Variants in TSPEAR observed in about 807,000 individuals in gnomAD.
TSPEAR encodes the protein thrombospondin-type laminin G domain and EAR repeat-containing protein.
A neutral mutation model predicts 71.6 loss-of-function variants in TSPEAR; 69 were observed. That is an observed-to-expected ratio of 0.96 (90% confidence interval 0.79 to 1.18). The LOEUF (loss-of-function observed/expected upper bound fraction) is 1.18, where lower values mean the gene tolerates loss of function less well. Ranked by LOEUF, TSPEAR falls within the 50% of genes most tolerant of loss-of-function variation. The pLI, the probability that TSPEAR is intolerant of heterozygous loss-of-function variation, is 0.00. For missense variants in TSPEAR, 971 were observed against 894.9 expected, an observed-to-expected ratio of 1.09 and a Z score of -1.09; for synonymous variants, 402 against 387.2, an observed-to-expected ratio of 1.04 and a Z score of -0.45.
At chr21:44,535,360 CA>C (rs1250936158) in intron 2 of TSPEAR, among the ~76,000 whole-genome samples, 2 of 151,738 alleles carry the variant, frequency 1.3e-5, no homozygotes, top group African/African-American at 4.8e-5. Flanking sequence ...TACTTATTTC[CA>C]ACTTAGATTC....
Position 44,666,863 on chromosome 21 carries a change from C to T in TSPEAR, c.82+44570G>A, listed in dbSNP as rs587649556. The T allele has an allele frequency of 4.4e-4, 710 of 1,613,596 alleles. 13 individuals are homozygous for T. The South Asian group carries it at 7.0e-3, about 16-fold the overall frequency. On this transcript the variant is annotated intron_variant, in intron 1 of 11. Transcript: ENST00000323084. ...GCGCGCAGCAGGCTGGCTGGCAGCC[C>T]GAGGAGCAGCTGGTATGACACATGG...
rs1362770238 is a variant in TSPEAR, at chr21:44,551,968, G to A, written c.303+15817C>T. Reference sequence around the variant, plus strand: ...ACGCTTGAGGACAGCGCTTCCTGGCGGGCTCTGGGATCTTCTGAGATCCTG... The same window carrying A: ...ACGCTTGAGGACAGCGCTTCCTGGCAGGCTCTGGGATCTTCTGAGATCCTG... On this transcript the variant is annotated intron_variant, in intron 2 of 11. Transcript: ENST00000323084. 3.9e-5 allele frequency among the ~76,000 whole-genome samples: 6 copies of A among 152,314 alleles called. 1 individual carries two copies. In the Middle Eastern group the frequency reaches 0.014, roughly 345 times the overall value.
At chr21:44,664,727 C>T (rs1985662805) in intron 1 of TSPEAR, among the ~76,000 whole-genome samples, 1 of 152,204 alleles carries the variant, frequency 6.6e-6, no homozygotes, top group African/African-American at 2.4e-5. Flanking sequence ...TATGACCCAG[C>T]TATTCCACTC....
At chr21:44,706,352 C>T (rs987497757) in intron 1 of TSPEAR, among the ~76,000 whole-genome samples, 3 of 151,882 alleles carry the variant, frequency 2.0e-5, no homozygotes, top group Admixed American at 2.0e-4. Context: ...CATGCACACG[C>T]ACCCACTTGC....
intron 1 of TSPEAR, chr21:44,682,144 G>A (rs782482616): frequency 3.7e-6 from 6 of 1,610,656 alleles, no homozygotes; most frequent in Middle Eastern, 1.7e-4. Context: ...GGCTGGATAA[G>A]GTCGAGGCAG....
chr21:44,512,152 G>C (rs1427133023), intron 9 of TSPEAR, among the ~76,000 whole-genome samples: 1 of 152,220 alleles, frequency 6.6e-6, no homozygotes, highest in African/African-American at 2.4e-5. Flanking sequence ...CACAGAGTGC[G>C]GAGCAGGGGC....
At chr21:44,558,876 C>T in intron 2 of TSPEAR, 2 of 921,264 alleles carry the variant, frequency 2.2e-6, no homozygotes, top group Non-Finnish European at 3.2e-6. Flanking sequence ...AGAAGCCTTC[C>T]TCTTCCTTGT....
chr21:44,677,949 A>G (rs1601556442), intron 1 of TSPEAR: 10 of 1,362,620 alleles, frequency 7.3e-6, no homozygotes, highest in South Asian at 7.3e-5. Context: ...AGCTCCAGCA[A>G]TGTTGCCAGT....
chr21:44,521,795 C>A lies in TSPEAR; in HGVS notation c.1566+88G>T, dbSNP rs1168475115. ...GCACTAGGTTTGGCTCTCGGTGGAC[C>A]CCCAGCCCACATCACCTGTCCAGCA... On this transcript the variant is annotated intron_variant, in intron 9 of 11. Coordinates refer to ENST00000323084, the MANE Select transcript of TSPEAR (RefSeq NM_144991.3). The A allele has an allele frequency of 3.9e-6, 5 of 1,286,132 alleles. No individual in the cohort carries two copies. In the African/African-American group the frequency reaches 7.5e-5, roughly 19 times the overall value. 79.7% of individuals were successfully genotyped at this position (1,286,132 alleles called of 1,614,324 possible).
chr21:44,622,638 C>T (rs587765043), intron 1 of TSPEAR, among the ~76,000 whole-genome samples: 8 of 152,292 alleles, frequency 5.3e-5, no homozygotes, highest in African/African-American at 1.9e-4. Context: ...CGCCGTCTTC[C>T]CTTTGTGTGT....
Position 44,546,612 on chromosome 21 carries a change from G to A in TSPEAR, c.304-12689C>T, listed in dbSNP as rs950578973. Among the ~76,000 whole-genome samples, 3 of 152,250 alleles carry A rather than the reference G, an allele frequency of 2.0e-5. No homozygotes were observed. The highest frequency in any genetic ancestry group is 3.8e-4 in the East Asian group (2 of 5,202). ...CAAAGTGCTGGGATTACAGGCATGAGCCACTGCGCCCGGCCCCTCTTTCAT... is the reference window on the plus strand; with the variant it reads ...CAAAGTGCTGGGATTACAGGCATGAACCACTGCGCCCGGCCCCTCTTTCAT... On this transcript the variant is annotated intron_variant, in intron 2 of 11. Transcript: ENST00000323084. This position sits in a 1 kb window ranked among gnomAD's most constrained non-coding sequence, Gnocchi z 4.4.
At chr21:44,705,305 A>C (rs1001528137) in intron 1 of TSPEAR, among the ~76,000 whole-genome samples, 2 of 152,218 alleles carry the variant, frequency 1.3e-5, no homozygotes, top group Non-Finnish European at 2.9e-5. Context: ...ACCCTGTAAT[A>C]ATTGTGTTAA....
chr21:44,626,663 C>CT (rs1982804692), intron 1 of TSPEAR, among the ~76,000 whole-genome samples: 1 of 152,290 alleles, frequency 6.6e-6, no homozygotes, highest in East Asian at 1.9e-4. Context: ...GTCCTGTGTC[C>CT]TACAGCAGGG....
chr21:44,579,293 C>A (rs1407186655), intron 1 of TSPEAR, among the ~76,000 whole-genome samples: 1 of 152,172 alleles, frequency 6.6e-6, no homozygotes, highest in Non-Finnish European at 1.5e-5. Context: ...CTGAGCCTTC[C>A]TGGGCGTGGC....
Position 44,521,932 on chromosome 21 carries a change from T to A in TSPEAR, c.1517A>T (p.His506Leu). The change falls in exon 9 of 12, where the codon CAC (histidine) becomes CTC (leucine). Residue 506 changes from histidine to leucine, a missense_variant. His to Leu is a moderately conservative substitution (Grantham distance 99). Coordinates refer to ENST00000323084, the MANE Select transcript of TSPEAR (RefSeq NM_144991.3). Reference protein sequence around the residue: ...FNGTSTKVHSHLYIRLLGSFQ... With the variant: ...FNGTSTKVHSLLYIRLLGSFQ... Reference sequence around the variant, plus strand: ...GGAGCCCAGGAGTCGGATGTAGAGGTGCGAGTGCACCTTGGTGGAGGTGCC... The same window carrying A: ...GGAGCCCAGGAGTCGGATGTAGAGGAGCGAGTGCACCTTGGTGGAGGTGCC... 1.2e-6 allele frequency: 2 copies of A among 1,613,392 alleles called. No individual in the cohort carries two copies. The highest frequency in any genetic ancestry group is 1.7e-6 in the Non-Finnish European group (2 of 1,179,800).
chr21:44,688,855 G>T (rs1316813548), intron 1 of TSPEAR, among the ~76,000 whole-genome samples: 1 of 152,196 alleles, frequency 6.6e-6, no homozygotes, highest in Non-Finnish European at 1.5e-5. Context: ...GCAGTGGAGA[G>T]GGGGACTGAA....
intron 1 of TSPEAR, among the ~76,000 whole-genome samples, chr21:44,603,715 C>T (rs144325206): frequency 8.5e-5 from 13 of 152,304 alleles, no homozygotes; most frequent in Non-Finnish European, 1.0e-4. Flanking sequence ...CATTCTCAGC[C>T]GCACCACAGA....
chr21:44,600,607 A>T, intron 1 of TSPEAR: 1 of 1,607,644 alleles, frequency 6.2e-7, no homozygotes, highest in Non-Finnish European at 8.5e-7. Context: ...CATCTCCTCC[A>T]GTTCAATCCC....
rs938751528 is a variant in TSPEAR at position 44,687,490 on chromosome 21, G to A, written c.82+23943C>T. Among the ~76,000 whole-genome samples the A allele has an allele frequency of 5.3e-5, 8 of 152,200 alleles. No individual in the cohort carries two copies. Among genetic ancestry groups the A allele is most frequent in the East Asian group, 1.9e-4 (1 of 5,198 alleles). On this transcript the variant is annotated intron_variant, in intron 1 of 11. Transcript: ENST00000323084. This position sits in a 1 kb window ranked among gnomAD's most constrained non-coding sequence, Gnocchi z 4.4. The stretch of plus-strand genomic sequence containing the variant: ...TGCTTACGCACACGGCAACAGGAAC[G>A]CATCGCAGAAACACCGCGCGGGGTG...
Sources: allele counts gnomAD v4.1 joint callset (sites outside exome capture counted in the v4.1 genomes callset), GRCh38; gene constraint gnomAD v4.1.1; non-coding constraint Gnocchi (gnomAD v3.1); transcripts MANE v1.5; gene names NCBI Gene and HGNC (gene_info 2026-07-23, HGNC 2026-07-21).